Variants in NAPEPLD observed in about 807,000 individuals in gnomAD.
NAPEPLD encodes N-acyl-phosphatidylethanolamine-hydrolyzing phospholipase D.
In NAPEPLD, 23 loss-of-function variants were observed where a neutral mutation model predicts 38.1. The observed-to-expected ratio is 0.60, with a 90% confidence interval of 0.43 to 0.86. The LOEUF (loss-of-function observed/expected upper bound fraction) is 0.86, where lower values mean the gene tolerates loss of function less well. Among genes scored for constraint, NAPEPLD ranks in the 40% least tolerant of loss-of-function variants. The pLI, the probability that NAPEPLD is intolerant of heterozygous loss-of-function variation, is 0.00. For synonymous variants in NAPEPLD, 147 were observed against 162.0 expected (o/e 0.91, Z 0.71); for missense variants, 411 against 476.8 (o/e 0.86, Z 1.28).
intron 1 of NAPEPLD, among the ~76,000 whole-genome samples, chr7:103,136,458 G>A (rs994267529): frequency 5.9e-4 from 89 of 150,752 alleles, no homozygotes; most frequent in Non-Finnish European, 8.6e-4. Context: ...ATGGCAGCCC[G>A]AACCTGTAGT....
At chr7:103,149,767 C>T (rs1356317178), upstream of NAPEPLD, among the ~76,000 whole-genome samples, 3 of 152,226 alleles carry the variant, frequency 2.0e-5, no homozygotes, top group Non-Finnish European at 4.4e-5. Context: ...TGAACGCATT[C>T]CTGGACACCA....
chr7:103,120,695 A>ATTTT (rs1563355903), intron 2 of NAPEPLD, among the ~76,000 whole-genome samples: 17 of 32,988 alleles, frequency 5.2e-4, no homozygotes, highest in African/African-American at 7.3e-4. Context: ...TGAATCTGAT[A>ATTTT]TTTTTCTTTT....
chr7:103,111,555 A>G (rs1344952321), intron 4 of NAPEPLD, among the ~76,000 whole-genome samples: 1 of 152,256 alleles, frequency 6.6e-6, no homozygotes, highest in Non-Finnish European at 1.5e-5. Flanking sequence ...CTGGCTAGCC[A>G]TAAGCAGAAA....
rs1460017440 is a variant in NAPEPLD at position 103,100,042 on chromosome 7, C to CT, written c.*3386dup. On this transcript the variant is annotated 3_prime_UTR_variant, in exon 5 of 5. Coordinates refer to ENST00000465647, the MANE Select transcript of NAPEPLD (RefSeq NM_001122838.3). ...CATTTGTAAATACATAGATGCAAGA[C>CT]TGTTTCCATAGGAAGTCACAAATCC... 1.3e-5 allele frequency: 2 copies of CT among 152,138 alleles called. No individual in the cohort carries two copies. The highest frequency in any genetic ancestry group is 2.9e-5 in the Non-Finnish European group (2 of 68,032). The allele number at this position is 152,138 out of a possible 1,614,324, so 9.4% of individuals were successfully genotyped here.
intron 4 of NAPEPLD, among the ~76,000 whole-genome samples, chr7:103,110,923 G>T (rs1430850514): frequency 6.6e-6 from 1 of 151,440 alleles, no homozygotes; most frequent in Non-Finnish European, 1.5e-5. Context: ...TTCCTATACA[G>T]AATTAAAAAT....
upstream of NAPEPLD, chr7:103,149,101 G>T (rs993762560): frequency 3.0e-6 from 3 of 985,830 alleles, no homozygotes; most frequent in Non-Finnish European, 3.6e-6. Context: ...CAGCAGTGTG[G>T]ATTGCTCCGC....
chr7:103,125,541 G>A (rs1807576499), intron 2 of NAPEPLD, among the ~76,000 whole-genome samples: 1 of 152,092 alleles, frequency 6.6e-6, no homozygotes, highest in African/African-American at 2.4e-5. Context: ...TGTATATGGT[G>A]ACATTTTCAG....
chr7:103,138,802 T>C (rs147310752), intron 1 of NAPEPLD, among the ~76,000 whole-genome samples: 64 of 152,326 alleles, frequency 4.2e-4, no homozygotes, highest in African/African-American at 1.5e-3. Flanking sequence ...CTTAACATCA[T>C]TGAGACTCAC....
At chr7:103,148,544 C>A (rs919160267) in intron 1 of NAPEPLD, among the ~76,000 whole-genome samples, 2 of 151,370 alleles carry the variant, frequency 1.3e-5, no homozygotes, top group African/African-American at 4.9e-5. Flanking sequence ...ACAATAATAC[C>A]CAATTTATAA....
rs1812920495 is a variant in NAPEPLD, at chr7:103,147,967, TTTC to T, written c.-17+841_-17+843del. The T allele has an allele frequency of 4.1e-6, 4 of 979,646 alleles. No homozygotes were observed. In the African/African-American group the frequency reaches 5.3e-5, roughly 13 times the overall value. The allele number at this position is 979,646 out of a possible 1,614,324, so 60.7% of individuals were successfully genotyped here. A position where few individuals can be genotyped will look rare whatever the true frequency, so the allele number is the denominator to read the frequency against. ...TTTAAATAAGTACTTTTACCCTAAA[TTTC>T]TTCTTTAACAGACCCAGTATTTTCT... On this transcript the variant is annotated intron_variant, in intron 1 of 4. Coordinates refer to ENST00000465647, the MANE Select transcript of NAPEPLD (RefSeq NM_001122838.3).
chr7:103,135,165 T>A (rs1809775462), intron 1 of NAPEPLD, among the ~76,000 whole-genome samples: 1 of 152,354 alleles, frequency 6.6e-6, no homozygotes, highest in Admixed American at 6.5e-5. Context: ...ATGCTGATGT[T>A]AAATCTGGAA....
intron 1 of NAPEPLD, among the ~76,000 whole-genome samples, chr7:103,134,109 T>A (rs1809539851): frequency 6.6e-6 from 1 of 152,214 alleles, no homozygotes; most frequent in Non-Finnish European, 1.5e-5. Context: ...GAATAAAATG[T>A]CTATCTCAAA....
chr7:103,108,707 C>CATCATAATGACAGG (rs1203696753), intron 4 of NAPEPLD, among the ~76,000 whole-genome samples: 1 of 152,168 alleles, frequency 6.6e-6, no homozygotes, highest in African/African-American at 2.4e-5. Flanking sequence ...AACCAGCTAA[C>CATCATAATGACAGG]ATCATAATGA....
At chr7:103,149,235 C>T, upstream of NAPEPLD, 20 of 996,340 alleles carry the variant, frequency 2.0e-5, no homozygotes, top group Non-Finnish European at 2.4e-5. Flanking sequence ...GCCGCGGGCG[C>T]GCGGCCAGAG....
rs145211409 is a variant in NAPEPLD at position 103,148,846 on chromosome 7, T to C, written c.-52A>G. On this transcript the variant is annotated 5_prime_UTR_variant, in exon 1 of 5. Transcript: ENST00000465647. ...ATCAGTGAAGATGCAACCTGGTAAT[T>C]TGCAGGGAAGATAGGATCTCAAATC... is the stretch of plus-strand genomic sequence containing the variant. The C allele has an allele frequency of 2.4e-4, 233 of 985,184 alleles. No individual in the cohort carries two copies. The highest frequency in any genetic ancestry group is 2.7e-4 in the Non-Finnish European group (221 of 829,794). 61.0% of individuals were successfully genotyped at this position (985,184 alleles called of 1,614,324 possible).
At position 103,100,048 on chromosome 7, in the gene NAPEPLD, C is replaced by G. The variant is rs1802174771; in HGVS notation, c.*3381G>C. 6.6e-6 allele frequency: 1 copy of G among 152,086 alleles called. No individual in the cohort carries two copies. The highest frequency in any genetic ancestry group is 2.4e-5 in the African/African-American group (1 of 41,404). 9.4% of individuals were successfully genotyped at this position (152,086 alleles called of 1,614,324 possible). A position where few individuals can be genotyped will look rare whatever the true frequency, so the allele number is the denominator to read the frequency against. ...TAAATACATAGATGCAAGACTGTTT[C>G]CATAGGAAGTCACAAATCCTCAAAC... On this transcript the variant is annotated 3_prime_UTR_variant, in exon 5 of 5. Transcript: ENST00000465647.
intron 1 of NAPEPLD, among the ~76,000 whole-genome samples, chr7:103,136,202 C>T (rs911037680): frequency 2.0e-5 from 3 of 151,270 alleles, no homozygotes; most frequent in Non-Finnish European, 4.4e-5. Flanking sequence ...AGGCGGTGGA[C>T]GTTGCAGTGG....
rs1802305995 is a variant in NAPEPLD at position 103,100,917 on chromosome 7, C to T, written c.*2512G>A. ...CATGAGTGGTAATAAAAAATTACAGCTTACAAAAGGGCCTAGAAAAATGAG... is the reference window on the plus strand; with the variant it reads ...CATGAGTGGTAATAAAAAATTACAGTTTACAAAAGGGCCTAGAAAAATGAG... On this transcript the variant is annotated 3_prime_UTR_variant, in exon 5 of 5. Coordinates refer to ENST00000465647, the MANE Select transcript of NAPEPLD (RefSeq NM_001122838.3). The T allele has an allele frequency of 6.6e-6, 1 of 152,080 alleles. No individual in the cohort carries two copies. The allele number at this position is 152,080 out of a possible 1,614,324, so 9.4% of individuals were successfully genotyped here.
At chr7:103,120,701 C>CTTTTTTTTTTTTTTTTTTTTT (rs869141133) in intron 2 of NAPEPLD, among the ~76,000 whole-genome samples, 1 of 82,504 alleles carries the variant, frequency 1.2e-5, no homozygotes, top group African/African-American at 4.5e-5. Flanking sequence ...TGATATTTTT[C>CTTTTTTTTTTTTTTTTTTTTT]TTTTTTTTTT....
Sources: gnomAD v4.1 joint callset for allele counts (sites outside exome capture counted in the v4.1 genomes callset) on GRCh38, gnomAD v4.1.1 for gene constraint, MANE v1.5 for transcripts, NCBI Gene and HGNC (gene_info 2026-07-23, HGNC 2026-07-21) for gene names.